KIAA1614: variants seen among roughly 807,000 people sequenced by gnomAD.
The protein encoded by KIAA1614 is uncharacterized protein KIAA1614.
In KIAA1614, 76 loss-of-function variants were observed where a neutral mutation model predicts 88.7. The ratio of observed to expected loss-of-function variants is 0.86; its 90% CI spans 0.71 to 1.04. The LOEUF (loss-of-function observed/expected upper bound fraction) is 1.04. KIAA1614 is among the 50% of genes least tolerant of loss of function. KIAA1614 has a pLI of 0.00. For missense variants in KIAA1614, 1,553 were observed against 1,582.5 expected (o/e 0.98, Z 0.32); for synonymous variants, 714 against 675.5 (o/e 1.06, Z -0.88).
Position 180,913,042 on chromosome 1 carries a change from G to A in KIAA1614, c.-202G>A, listed in dbSNP as rs1355148836. The A allele has an allele frequency of 3.2e-6, 1 of 307,808 alleles. No individual in the cohort carries two copies. The highest frequency in any genetic ancestry group is 5.1e-5 in the Admixed American group (1 of 19,556). 19.1% of individuals were successfully genotyped at this position (307,808 alleles called of 1,614,324 possible). The stretch of plus-strand genomic sequence containing the variant: ...GGCGCTGCGCCGGCCAGACCCACCC[G>A]GGGCCCGGGGGCTGCCAGCAGAGCC... On this transcript the variant is annotated 5_prime_UTR_variant, in exon 1 of 9. Transcript: ENST00000367588.
In KIAA1614 at chr1:180,951,501, C is replaced by A. The variant is rs374968267; in HGVS notation, c.*5913C>A. The stretch of plus-strand genomic sequence containing the variant: ...TGGGCAGCAGGGAAGCTGCAGAGCG[C>A]GGCTGGGCCATCTGCCTGGGCCTCA... On this transcript the variant is annotated 3_prime_UTR_variant, in exon 9 of 9. Transcript: ENST00000367588. 1 of 152,486 alleles carries A rather than the reference C, an allele frequency of 6.6e-6. No individual in the cohort carries two copies. Among genetic ancestry groups the A allele is most frequent in the African/African-American group, 2.4e-5 (1 of 41,470 alleles). The allele number at this position is 152,486 out of a possible 1,614,324, so 9.4% of individuals were successfully genotyped here.
chr1:180,931,195 T>C (rs1654190253), intron 4 of KIAA1614, among the ~76,000 whole-genome samples: 1 of 152,218 alleles, frequency 6.6e-6, no homozygotes, highest in African/African-American at 2.4e-5. Flanking sequence ...ATTTTGGGGA[T>C]AGACATGCCT....
chr1:180,946,869 C>A lies in KIAA1614; in HGVS notation c.*1281C>A, dbSNP rs1256364739. 6.6e-6 allele frequency: 1 copy of A among 152,212 alleles called. No individual in the cohort carries two copies. The highest frequency in any genetic ancestry group is 1.5e-5 in the Non-Finnish European group (1 of 68,052). The allele number at this position is 152,212 out of a possible 1,614,324, so 9.4% of individuals were successfully genotyped here. ...GGGATACAGCAGTAAATGGAACAGACCAAATCCCTATCCTCATGAATATAC... is the reference window on the plus strand; with the variant it reads ...GGGATACAGCAGTAAATGGAACAGAACAAATCCCTATCCTCATGAATATAC... On this transcript the variant is annotated 3_prime_UTR_variant, in exon 9 of 9. Coordinates refer to ENST00000367588, the MANE Select transcript of KIAA1614 (RefSeq NM_020950.2).
At chr1:180,921,409 G>C (rs1386487019) in intron 3 of KIAA1614, among the ~76,000 whole-genome samples, 1 of 152,194 alleles carries the variant, frequency 6.6e-6, no homozygotes, top group African/African-American at 2.4e-5. Flanking sequence ...TCAGAGGCCT[G>C]ACAGTATTTA....
rs747184510 is a variant in KIAA1614 at position 180,936,190 on chromosome 1, G to A, written c.2281G>A (p.Gly761Arg). 6.2e-7 allele frequency: 1 copy of A among 1,614,170 alleles called. No individual in the cohort carries two copies. Among genetic ancestry groups the A allele is most frequent in the Admixed American group, 1.7e-5 (1 of 60,014 alleles). ...CATGACGCCTGAATCATCGGGGCCA[G>A]GAGGCCAGGCCCAGGTTACAGAAAG... ...APMTPESSGP[G>R]GQAQVTESHE... The change falls in exon 5 of 9, where the codon GGA becomes AGA. Residue 761 changes from glycine (G) to arginine (R), a missense_variant. Physicochemically the swap from Gly to Arg is moderately radical, Grantham distance 125 (BLOSUM62 -2). Transcript: ENST00000367588.
At chr1:180,944,624 GA>G in intron 8 of KIAA1614, 108 bp downstream of exon 8, 1 of 1,282,480 alleles carries the variant, frequency 7.8e-7, no homozygotes, top group Non-Finnish European at 1.1e-6. Context: ...AGGGTCCTTT[GA>G]AGGGAAAGCA....
chr1:180,929,511 G>C (rs183458208), intron 4 of KIAA1614, among the ~76,000 whole-genome samples: 1 of 152,338 alleles, frequency 6.6e-6, no homozygotes, highest in East Asian at 1.9e-4. Flanking sequence ...AGATTTGGAT[G>C]TCATCCCTGA....
In KIAA1614 at chr1:180,946,383, T is replaced by G. The variant is rs773104716; in HGVS notation, c.*795T>G. The G allele has an allele frequency of 6.6e-6, 1 of 152,248 alleles. No homozygotes were observed. Among genetic ancestry groups the G allele is most frequent in the African/African-American group, 2.4e-5 (1 of 41,442 alleles). The allele number at this position is 152,248 out of a possible 1,614,324, so 9.4% of individuals were successfully genotyped here. A position where few individuals can be genotyped will look rare whatever the true frequency, so the allele number is the denominator to read the frequency against. On this transcript the variant is annotated 3_prime_UTR_variant, in exon 9 of 9. Coordinates refer to ENST00000367588, the MANE Select transcript of KIAA1614 (RefSeq NM_020950.2). ...GACTGGGGTGTGCTCTGGGTCTCAA[T>G]TCAACCCAGGCAATGGCAGGGAGAA...
At position 180,936,253 on chromosome 1, in the gene KIAA1614, C is replaced by T; in HGVS notation, c.2344C>T (p.Gln782Ter). ...SLEIVSPSSL[Q>*]QSHAEPSAPH... ...GGAAATTGTCTCTCCTTCCTCCCTG[C>T]AACAGAGCCATGCAGAGCCTTCTGC... The change falls in exon 5 of 9, where the codon CAA becomes TAA. Residue 782 changes from glutamine to a stop codon, truncating the protein, a stop_gained. Transcript: ENST00000367588. LOFTEE classifies it high-confidence loss of function. 2 of 1,614,230 alleles carry T rather than the reference C, an allele frequency of 1.2e-6. No individual in the cohort carries two copies. The highest frequency in any genetic ancestry group is 1.3e-5 in the African/African-American group (1 of 75,058).
intron 3 of KIAA1614, 161 bp from the exon 4 acceptor site, chr1:180,928,269 C>T (rs1000004522): frequency 1.1e-6 from 1 of 876,306 alleles, no homozygotes; most frequent in African/African-American, 1.7e-5. Context: ...GCCCCAGGCC[C>T]CCAGGCTGGG....
chr1:180,916,625 C>T lies in KIAA1614; in HGVS notation c.522C>T (p.Ala174=), dbSNP rs1653810701. Residue 174 remains alanine, a synonymous_variant, in exon 2 of 9, where the codon GCC becomes GCT. Transcript: ENST00000367588. ...GCCCCAGGCTTCCCAGGCCGCCTGC[C>T]CCTGGACGTGAGTACTGCAACAGGG... ...DGGPRLPRPP[A]PGREYCNRGS... is the part of the protein sequence containing the mutation. The T allele has an allele frequency of 6.2e-7, 1 of 1,601,958 alleles. No homozygotes were observed. Among genetic ancestry groups the T allele is most frequent in the Non-Finnish European group, 8.5e-7 (1 of 1,173,172 alleles).
At position 180,941,046 on chromosome 1, in the gene KIAA1614, G is replaced by A. The variant is rs749144132; in HGVS notation, c.2920G>A (p.Ala974Thr). Residue 974 changes from alanine to threonine, a missense_variant and splice_region_variant, in exon 7 of 9, where the codon GCA becomes ACA. Ala to Thr is a moderately conservative substitution (Grantham distance 58, BLOSUM62 0). Coordinates refer to ENST00000367588, the MANE Select transcript of KIAA1614 (RefSeq NM_020950.2). ...SGSGGHVLSR[A>T]SAGAGTGPGS... ...CTCACCTCCACCCTTGTGTTTCAGA[G>A]CATCAGCAGGAGCTGGCACAGGACC... 6.1e-6 allele frequency: 8 copies of A among 1,308,438 alleles called. No individual in the cohort carries two copies. Among genetic ancestry groups the A allele is most frequent in the Non-Finnish European group, 8.1e-6 (8 of 981,820 alleles). 81.1% of individuals were successfully genotyped at this position (1,308,438 alleles called of 1,614,324 possible). A position where few individuals can be genotyped will look rare whatever the true frequency, so the allele number is the denominator to read the frequency against.
intron 7 of KIAA1614, 141 bp downstream of exon 7, chr1:180,941,426 C>G (rs1017419259): frequency 1.9e-6 from 2 of 1,030,462 alleles, no homozygotes. Flanking sequence ...GCTGGCATCC[C>G]CATGGTTGAC....
In KIAA1614 at chr1:180,936,465, C is replaced by T. The variant is rs767162624; in HGVS notation, c.2556C>T (p.Leu852=). The T allele has an allele frequency of 3.1e-6, 5 of 1,613,988 alleles. No homozygotes were observed. In the South Asian group the frequency reaches 4.4e-5, roughly 14 times the overall value. ...GGCCTCCTTCAAGAAGCGCGGTTCTCAGGACCTGTGAGCTGCCCCCATCAC... is the reference window on the plus strand; with the variant it reads ...GGCCTCCTTCAAGAAGCGCGGTTCTTAGGACCTGTGAGCTGCCCCCATCAC... ...IPRPPSRSAV[L]RTCELPPSQT... Residue 852 remains leucine (L), a synonymous_variant, in exon 5 of 9, where the codon CTC becomes CTT. Transcript: ENST00000367588.
rs1654642894 is a variant in KIAA1614 at position 180,948,218 on chromosome 1, A to T, written c.*2630A>T. On this transcript the variant is annotated 3_prime_UTR_variant, in exon 9 of 9. Transcript: ENST00000367588. ...TGCTGGGGCCTCCGTGTCCCAGGCC[A>T]TCCTCCAACAGCAGAGGGTCGCTTC... 6.6e-6 allele frequency: 1 copy of T among 152,244 alleles called. No individual in the cohort carries two copies. Among genetic ancestry groups the T allele is most frequent in the Admixed American group, 6.5e-5 (1 of 15,292 alleles). 9.4% of individuals were successfully genotyped at this position (152,244 alleles called of 1,614,324 possible).
In KIAA1614 at chr1:180,946,110, A is replaced by G. The variant is rs568078886; in HGVS notation, c.*522A>G. On this transcript the variant is annotated 3_prime_UTR_variant, in exon 9 of 9. Coordinates refer to ENST00000367588, the MANE Select transcript of KIAA1614 (RefSeq NM_020950.2). ...AAGAGCAAAACTTCATCTCAAAGGAAAAAAAAAAAGAAATAAATAAATTAG... is the reference window on the plus strand; with the variant it reads ...AAGAGCAAAACTTCATCTCAAAGGAGAAAAAAAAAGAAATAAATAAATTAG... 5.5e-3 allele frequency: 11 copies of G among 1,992 alleles called. No individual in the cohort carries two copies. The highest frequency in any genetic ancestry group is 0.25 in the East Asian group (1 of 4). The allele number at this position is 1,992 out of a possible 1,614,324, so 0.1% of individuals were successfully genotyped here. A position where few individuals can be genotyped will look rare whatever the true frequency, so the allele number is the denominator to read the frequency against.
chr1:180,917,159 G>C, intron 2 of KIAA1614, 59 bp downstream of exon 2: 3 of 1,394,306 alleles, frequency 2.2e-6, no homozygotes, highest in Non-Finnish European at 3.0e-6. Flanking sequence ...CCAGAGGGAG[G>C]AAAAGGGGAC....
chr1:180,934,550 A>T (rs1654273049), intron 4 of KIAA1614, among the ~76,000 whole-genome samples: 1 of 152,158 alleles, frequency 6.6e-6, no homozygotes, highest in Non-Finnish European at 1.5e-5. Flanking sequence ...AGATCATGTC[A>T]CTGCACTCCA....
At chr1:180,943,844 G>A (rs1009586942) in intron 7 of KIAA1614, among the ~76,000 whole-genome samples, 3 of 152,048 alleles carry the variant, frequency 2.0e-5, no homozygotes, top group Non-Finnish European at 4.4e-5. Context: ...CACTGCACCC[G>A]GCACACACCA....
Sources: allele counts gnomAD v4.1 joint callset (sites outside exome capture counted in the v4.1 genomes callset), GRCh38; gene constraint gnomAD v4.1.1; transcripts MANE v1.5; gene names NCBI Gene and HGNC (gene_info 2026-07-23, HGNC 2026-07-21).